The following KIAA1217 variants were observed in gnomAD, a reference collection of about 807,000 sequenced individuals.
The protein encoded by KIAA1217 is sickle tail protein homolog.
KIAA1217 carries 88 observed loss-of-function variants against 163.9 expected under a neutral mutation model. That is an observed-to-expected ratio of 0.54 (90% CI 0.45 to 0.64). KIAA1217 has a LOEUF of 0.64. Among genes scored for constraint, KIAA1217 ranks in the 30% least tolerant of loss-of-function variants. The probability of loss-of-function intolerance (pLI) is 0.00; values close to 1 mark genes in which losing one functional copy is unlikely to be tolerated. For synonymous variants in KIAA1217, 903 were observed against 923.1 expected (o/e 0.98, Z 0.39); for missense variants, 2,372 against 2,475.0 (o/e 0.96, Z 0.88).
chr10:23,772,223 G>A (rs559210568), intron 1 of KIAA1217, among the ~76,000 whole-genome samples: 4 of 152,086 alleles, frequency 2.6e-5, no homozygotes, highest in South Asian at 2.1e-4. Flanking sequence ...TTGCCTCAGC[G>A]GACAGCAGAA....
chr10:24,261,979 G>A (rs2075770308), intron 2 of KIAA1217, among the ~76,000 whole-genome samples: 2 of 152,170 alleles, frequency 1.3e-5, no homozygotes, highest in Admixed American at 6.5e-5. Flanking sequence ...ATGCTTATGT[G>A]TATATGAAAA....
In KIAA1217 at chr10:23,733,227, G is replaced by A. The variant is rs568019319; in HGVS notation, c.-321+37993G>A. The stretch of plus-strand genomic sequence containing the variant: ...GGAGTTTCACCATATTGGCCAGGCT[G>A]GTCTCGAACTGCTGACCTCAAGTGA... On this transcript the variant is annotated intron_variant, in intron 1 of 18. Coordinates refer to the KIAA1217 transcript ENST00000376462. Among the ~76,000 whole-genome samples the A allele has an allele frequency of 5.3e-5, 8 of 152,128 alleles. No homozygotes were observed. The South Asian group carries it at 1.7e-3, about 32-fold the overall frequency.
intron 2 of KIAA1217, among the ~76,000 whole-genome samples, chr10:24,044,231 GTC>G (rs1848824948): frequency 6.6e-6 from 1 of 152,160 alleles, no homozygotes; most frequent in Admixed American, 6.5e-5. Context: ...CGGACTATGA[GTC>G]TCTTTCTAAG....
chr10:24,473,787 A>G lies in KIAA1217; in HGVS notation c.1406A>G (p.Lys469Arg). 2 of 1,614,158 alleles carry G rather than the reference A, an allele frequency of 1.2e-6. No individual in the cohort carries two copies. Among genetic ancestry groups the G allele is most frequent in the Middle Eastern group, 1.6e-4 (1 of 6,062 alleles). Residue 469 changes from lysine (K) to arginine (R), a missense_variant, in exon 6 of 21, where the codon AAA (lysine) becomes AGA (arginine). By Grantham distance (26) the Lys-to-Arg change is conservative. Coordinates refer to ENST00000376454, the MANE Select transcript of KIAA1217 (RefSeq NM_019590.5). Reference protein sequence around the residue: ...PDSHLPTLGSKTPPASPHRVS... With the variant: ...PDSHLPTLGSRTPPASPHRVS... ...AGCCATTTGCCTACACTGGGCTCCAAAACACCCCCTGCCTCTCCTCACAGA... is the reference window on the plus strand; with the variant it reads ...AGCCATTTGCCTACACTGGGCTCCAGAACACCCCCTGCCTCTCCTCACAGA...
At chr10:23,728,907 C>A (rs2130783004) in intron 1 of KIAA1217, among the ~76,000 whole-genome samples, 1 of 152,324 alleles carries the variant, frequency 6.6e-6, no homozygotes, top group Admixed American at 6.5e-5. Flanking sequence ...TGTGGTACCA[C>A]ACAGAACAGC....
intron 1 of KIAA1217, among the ~76,000 whole-genome samples, chr10:23,723,949 C>T (rs7895255): frequency 0.038 from 5,707 of 152,130 alleles, 328 homozygotes; most frequent in African/African-American, 0.13. Flanking sequence ...TGGGGAAGCC[C>T]CAGGAAGCTT....
At chr10:24,239,687 G>T (rs975037244) in intron 2 of KIAA1217, among the ~76,000 whole-genome samples, 1 of 139,392 alleles carries the variant, frequency 7.2e-6, no homozygotes, top group Non-Finnish European at 1.6e-5. Context: ...GTGTGTGTGT[G>T]TGTGTGTGTT....
At chr10:23,850,929 C>A (rs1180679565) in intron 1 of KIAA1217, among the ~76,000 whole-genome samples, 8 of 152,004 alleles carry the variant, frequency 5.3e-5, no homozygotes, top group Non-Finnish European at 1.2e-4. Flanking sequence ...AACTCACTAT[C>A]AATGAGAACA....
intron 2 of KIAA1217, among the ~76,000 whole-genome samples, chr10:24,119,364 T>G (rs1050667429): frequency 6.6e-6 from 1 of 152,144 alleles, no homozygotes; most frequent in Admixed American, 6.5e-5. Context: ...GATCTGTAAA[T>G]CTAGAGAGTA....
At chr10:24,171,581 G>C (rs2065628914) in intron 2 of KIAA1217, among the ~76,000 whole-genome samples, 1 of 152,216 alleles carries the variant, frequency 6.6e-6, no homozygotes, top group Non-Finnish European at 1.5e-5. Context: ...GAGGCGGATG[G>C]ATCACCTGAG....
At chr10:24,133,637 TG>T (rs1323012192) in intron 2 of KIAA1217, among the ~76,000 whole-genome samples, 1 of 151,708 alleles carries the variant, frequency 6.6e-6, no homozygotes, top group Admixed American at 6.6e-5. Context: ...ACCCTGGGGA[TG>T]GAAGCTGATC....
At chr10:24,217,031 CAAAAAAAAAAAAA>C (rs60303909) in intron 1 of KIAA1217, among the ~76,000 whole-genome samples, 1 of 21,322 alleles carries the variant, frequency 4.7e-5, no homozygotes, top group African/African-American at 2.2e-4. Context: ...GACCTTGTCT[CAAAAAAAAAAAAA>C]AAAAAAAAAA....
Position 24,327,627 on chromosome 10 carries a change from C to T in KIAA1217, c.355-53242C>T, listed in dbSNP as rs111916790. Reference sequence around the variant, plus strand: ...CACCTCAGCCTCCCAAGTAGGTGCACGCCACCATGCCTGGCTAATTTTTGT... The same window carrying T: ...CACCTCAGCCTCCCAAGTAGGTGCATGCCACCATGCCTGGCTAATTTTTGT... On this transcript the variant is annotated intron_variant, in intron 2 of 20. Transcript: ENST00000376454. Among the ~76,000 whole-genome samples the T allele has an allele frequency of 6.2e-3, 947 of 152,138 alleles. 6 individuals carry two copies. Among genetic ancestry groups the T allele is most frequent in the Non-Finnish European group, 0.01 (685 of 67,994 alleles).
chr10:23,851,798 G>A (rs948527359), intron 1 of KIAA1217, among the ~76,000 whole-genome samples: 7 of 152,070 alleles, frequency 4.6e-5, no homozygotes, highest in African/African-American at 1.7e-4. Flanking sequence ...TTTTTTGGCT[G>A]CATAAATGTC....
At chr10:23,698,231 G>GA (rs948621547) in intron 1 of KIAA1217, among the ~76,000 whole-genome samples, 15 of 152,082 alleles carry the variant, frequency 9.9e-5, no homozygotes, top group African/African-American at 9.6e-5. Context: ...TTGTGAATAG[G>GA]AAAAAAATAG....
chr10:24,482,241 A>T (rs1056990517), intron 6 of KIAA1217: 1 of 152,220 alleles, frequency 6.6e-6, no homozygotes, highest in Admixed American at 6.5e-5. Context: ...GTCGTCTGTC[A>T]CTAATTAGAT....
chr10:24,355,184 G>A (rs549573893), intron 2 of KIAA1217, among the ~76,000 whole-genome samples: 33 of 152,180 alleles, frequency 2.2e-4, no homozygotes, highest in African/African-American at 6.8e-4. Flanking sequence ...GGCCAGAGGA[G>A]GTTGCAGCTG....
chr10:24,097,977 G>A (rs1288201811), intron 2 of KIAA1217, among the ~76,000 whole-genome samples: 1 of 151,990 alleles, frequency 6.6e-6, no homozygotes, highest in Non-Finnish European at 1.5e-5. Flanking sequence ...GTGTTCCAGG[G>A]GCAACACGCC....
At chr10:23,862,742 T>A (rs1391923972) in intron 1 of KIAA1217, among the ~76,000 whole-genome samples, 3 of 152,058 alleles carry the variant, frequency 2.0e-5, no homozygotes, top group Non-Finnish European at 4.4e-5. Flanking sequence ...TCACAGAGGA[T>A]CTTGTAGGCC....
Sources: allele counts gnomAD v4.1 joint callset (sites outside exome capture counted in the v4.1 genomes callset), GRCh38; gene constraint gnomAD v4.1.1; transcripts MANE v1.5; gene names NCBI Gene and HGNC (gene_info 2026-07-23, HGNC 2026-07-21).